The following MAGI1 variants were observed in gnomAD, a reference collection of about 807,000 sequenced individuals.
MAGI1 encodes the protein membrane associated guanylate kinase, WW and PDZ domain containing 1.
A neutral mutation model predicts 139.9 loss-of-function variants in MAGI1; 58 were observed. The ratio of observed to expected loss-of-function variants is 0.41; its 90% CI spans 0.34 to 0.52. The LOEUF (loss-of-function observed/expected upper bound fraction) is 0.52. Ranked by LOEUF, MAGI1 falls within the 20% of genes least tolerant of loss-of-function variation. The probability of loss-of-function intolerance (pLI) is 0.12; values close to 1 mark genes in which losing one functional copy is unlikely to be tolerated. For missense variants in MAGI1, 1,874 were observed against 1,901.6 expected (o/e 0.99, Z 0.27); for synonymous variants, 812 against 737.9 (o/e 1.10, Z -1.63).
intron 12 of MAGI1, among the ~76,000 whole-genome samples, chr3:65,412,163 G>A (rs188711596): frequency 1.5e-3 from 232 of 152,092 alleles, no homozygotes; most frequent in African/African-American, 5.3e-3. Flanking sequence ...CCTCCTCCTG[G>A]ACACACACTC....
chr3:65,787,600 T>C (rs1364365214), intron 1 of MAGI1, among the ~76,000 whole-genome samples: 1 of 150,236 alleles, frequency 6.7e-6, no homozygotes, highest in Non-Finnish European at 1.5e-5. Flanking sequence ...GCAGGGCACA[T>C]TCCCTGCCCT....
At chr3:65,986,041 G>A (rs573018156) in intron 1 of MAGI1, among the ~76,000 whole-genome samples, 34 of 152,304 alleles carry the variant, frequency 2.2e-4, no homozygotes, top group African/African-American at 7.2e-4. Flanking sequence ...TCAGCTCAAG[G>A]GTAAAAGGGT....
Position 65,991,291 on chromosome 3 carries a change from A to T in MAGI1, c.313+46705T>A, listed in dbSNP as rs1196046548. Among the ~76,000 whole-genome samples the T allele has an allele frequency of 0.015, 14 of 904 alleles. No individual in the cohort carries two copies. In the East Asian group the frequency reaches 0.46, roughly 30 times the overall value. 0.6% of individuals were successfully genotyped at this position (904 alleles called of 152,430 possible). A position where few individuals can be genotyped will look rare whatever the true frequency, so the allele number is the denominator to read the frequency against. On this transcript the variant is annotated intron_variant, in intron 1 of 22. Coordinates refer to ENST00000402939, the MANE Select transcript of MAGI1 (RefSeq NM_001033057.2). ...CGACAGAGCGAGAGACTCTGTCTAAAAAAAAAAAAAAAAGGTAAAAAAAAA... is the reference window on the plus strand; with the variant it reads ...CGACAGAGCGAGAGACTCTGTCTAATAAAAAAAAAAAAAGGTAAAAAAAAA...
intron 2 of MAGI1, among the ~76,000 whole-genome samples, chr3:65,544,702 C>T (rs1185389517): frequency 3.3e-5 from 5 of 152,104 alleles, no homozygotes; most frequent in Non-Finnish European, 7.4e-5. Context: ...CCAGGGGTCT[C>T]GTTTTTGTTC....
chr3:65,373,370 C>G (rs1942189413), intron 18 of MAGI1, among the ~76,000 whole-genome samples: 1 of 151,892 alleles, frequency 6.6e-6, no homozygotes, highest in Non-Finnish European at 1.5e-5. Context: ...TTGTGGCACC[C>G]CCAAACAATT....
At chr3:65,468,013 A>G (rs942284421) in intron 5 of MAGI1, among the ~76,000 whole-genome samples, 9 of 152,204 alleles carry the variant, frequency 5.9e-5, no homozygotes, top group South Asian at 2.1e-4. Flanking sequence ...TAGCTTCTCT[A>G]TCTCCTCTAA....
At chr3:65,871,152 G>C (rs914627561) in intron 1 of MAGI1, among the ~76,000 whole-genome samples, 1 of 151,910 alleles carries the variant, frequency 6.6e-6, no homozygotes, top group African/African-American at 2.4e-5. Flanking sequence ...TGCCCAAACT[G>C]GTCTTGAACC....
intron 22 of MAGI1, chr3:65,360,409 T>C (rs1030392318): frequency 2.1e-6 from 2 of 970,582 alleles, no homozygotes; most frequent in Non-Finnish European, 2.4e-6. Flanking sequence ...ACATAATTAT[T>C]ATCATATACA....
intron 1 of MAGI1, among the ~76,000 whole-genome samples, chr3:65,628,315 T>C (rs2084094844): frequency 6.6e-6 from 1 of 152,154 alleles, no homozygotes; most frequent in African/African-American, 2.4e-5. Context: ...GAGGACTCGT[T>C]ATATAGTTGT....
At chr3:65,593,857 A>G (rs1263715427) in intron 2 of MAGI1, among the ~76,000 whole-genome samples, 1 of 152,226 alleles carries the variant, frequency 6.6e-6, no homozygotes, top group Non-Finnish European at 1.5e-5. Context: ...TCCACAAACA[A>G]AAGCCTCACA....
At chr3:65,859,906 G>T (rs375794356) in intron 1 of MAGI1, among the ~76,000 whole-genome samples, 34 of 126,546 alleles carry the variant, frequency 2.7e-4, no homozygotes, top group African/African-American at 7.4e-4. Context: ...TTTTGTTTTT[G>T]TTTTTTTTTT....
In MAGI1 at chr3:65,400,727, T is replaced by C. The variant is rs549872420; in HGVS notation, c.2199+712A>G. ...GTAATGCATCTTCAGGGAAACCAGA[T>C]TGGAAAGGACAGCAAAACATTGATT... On this transcript the variant is annotated intron_variant, in intron 13 of 22. Transcript: ENST00000402939. Among the ~76,000 whole-genome samples, 11 of 144,828 alleles carry C rather than the reference T, an allele frequency of 7.6e-5. No individual in the cohort carries two copies. The Admixed American group carries it at 7.9e-4, about 10-fold the overall frequency.
intron 9 of MAGI1, among the ~76,000 whole-genome samples, chr3:65,437,731 T>C (rs1947950321): frequency 2.6e-5 from 4 of 152,146 alleles, no homozygotes; most frequent in Non-Finnish European, 4.4e-5. Context: ...CTAATTGTAG[T>C]CTTATTCACC....
In MAGI1 at chr3:65,530,624, G is replaced by GGTGT. The variant is rs57337916; in HGVS notation, c.431-36997_431-36994dup. ...GCAAGACACATACGTATGTGTGTGT[G>GGTGT]GTGTGTGTGTGTGTGTGTGTGTGTG... On this transcript the variant is annotated intron_variant, in intron 2 of 22. Transcript: ENST00000402939. Among the ~76,000 whole-genome samples the GGTGT allele has an allele frequency of 9.0e-4, 116 of 129,276 alleles. 4 individuals carry two copies. The highest frequency in any genetic ancestry group is 3.6e-3 in the African/African-American group (112 of 31,262). The allele number at this position is 129,276 out of a possible 152,430, so 84.8% of individuals were successfully genotyped here. A position where few individuals can be genotyped will look rare whatever the true frequency, so the allele number is the denominator to read the frequency against.
intron 1 of MAGI1, among the ~76,000 whole-genome samples, chr3:65,632,672 C>G (rs1576543589): frequency 6.6e-6 from 1 of 152,150 alleles, no homozygotes; most frequent in African/African-American, 2.4e-5. Flanking sequence ...TGAACTCTAT[C>G]CAACTGCTCA....
At chr3:65,832,662 C>T (rs1407695620) in intron 1 of MAGI1, among the ~76,000 whole-genome samples, 1 of 152,084 alleles carries the variant, frequency 6.6e-6, no homozygotes, top group Non-Finnish European at 1.5e-5. Context: ...CCATCTCTCT[C>T]AGAAGACTTG....
intron 22 of MAGI1, chr3:65,360,647 T>C: frequency 1.0e-6 from 1 of 986,132 alleles, no homozygotes; most frequent in Non-Finnish European, 1.2e-6. Context: ...TTGATAGTAG[T>C]GGGCTCAGAT....
At chr3:65,871,796 A>C (rs560605833) in intron 1 of MAGI1, among the ~76,000 whole-genome samples, 1 of 152,370 alleles carries the variant, frequency 6.6e-6, no homozygotes, top group South Asian at 2.1e-4. Flanking sequence ...GCTAAATATT[A>C]CAAAAAGAAA....
intron 18 of MAGI1, among the ~76,000 whole-genome samples, chr3:65,368,215 A>G (rs1941625960): frequency 6.6e-6 from 1 of 152,226 alleles, no homozygotes; most frequent in South Asian, 2.1e-4. Context: ...CCTGCCCTCC[A>G]GAAACAGTAT....
Sources: allele counts gnomAD v4.1 joint callset (sites outside exome capture counted in the v4.1 genomes callset), GRCh38; gene constraint gnomAD v4.1.1; transcripts MANE v1.5; gene names NCBI Gene and HGNC (gene_info 2026-07-23, HGNC 2026-07-21).